WIPI1: variants seen among roughly 807,000 people sequenced by gnomAD.
The protein encoded by WIPI1 is WD repeat domain, phosphoinositide interacting 1.
WIPI1 carries 45 observed loss-of-function variants against 55.3 expected under a neutral mutation model. The ratio of observed to expected loss-of-function variants is 0.81; its 90% CI spans 0.64 to 1.04. WIPI1 has a LOEUF of 1.04. Among genes scored for constraint, WIPI1 ranks in the 50% least tolerant of loss-of-function variants. WIPI1 has a pLI of 0.00. For missense variants in WIPI1, 445 were observed against 559.0 expected (o/e 0.80, Z 2.06); for synonymous variants, 195 against 217.6 (o/e 0.90, Z 0.92).
chr17:68,435,858 G>A, intron 5 of WIPI1, 146 bp from the exon 6 acceptor site: 2 of 713,942 alleles, frequency 2.8e-6, no homozygotes, highest in Non-Finnish European at 4.8e-6. Context: ...CTGCATGTAA[G>A]CTGTGTGTCA....
intron 2 of WIPI1, among the ~76,000 whole-genome samples, chr17:68,452,132 T>C (rs117828392): frequency 4.8e-4 from 73 of 152,394 alleles, no homozygotes; most frequent in Non-Finnish European, 8.7e-4. Context: ...TAGTGAATTA[T>C]TTACAGTGTT....
chr17:68,421,922 G>C (rs1301430035), intron 12 of WIPI1, 102 bp from the exon 13 acceptor site: 1 of 1,477,090 alleles, frequency 6.8e-7, no homozygotes, highest in Non-Finnish European at 9.4e-7. Context: ...AGCAGGGAGA[G>C]GCTGGGCACT....
intron 3 of WIPI1, among the ~76,000 whole-genome samples, chr17:68,446,186 A>T (rs1238388474): frequency 6.8e-6 from 1 of 146,882 alleles, no homozygotes; most frequent in Middle Eastern, 3.2e-3. Flanking sequence ...ACATTTCTCA[A>T]TTTTTTTTTT....
chr17:68,443,583 A>G (rs2147947323), intron 4 of WIPI1, among the ~76,000 whole-genome samples: 1 of 152,318 alleles, frequency 6.6e-6, no homozygotes, highest in Non-Finnish European at 1.5e-5. Flanking sequence ...TTTAATTCTC[A>G]GCCAACCCTG....
intron 2 of WIPI1, 70 bp from the exon 3 acceptor site, chr17:68,450,967 ACT>A: frequency 6.5e-7 from 1 of 1,542,564 alleles, no homozygotes; most frequent in Non-Finnish European, 8.7e-7. Flanking sequence ...CCTCCATGAC[ACT>A]GGGCCCGGCG....
rs2082909678 is a variant in WIPI1 at position 68,423,014 on chromosome 17, GA to G, written c.1294-1195del. Among the ~76,000 whole-genome samples, 1 of 152,172 alleles carries G rather than the reference GA, an allele frequency of 6.6e-6. No homozygotes were observed. Among genetic ancestry groups the G allele is most frequent in the African/African-American group, 2.4e-5 (1 of 41,448 alleles). Reference sequence around the variant, plus strand: ...GAAGTGTCAGTATGTGTTCTGAAAAGATCACTAGTGATGACCCGCGTTCTTA... The same window carrying G: ...GAAGTGTCAGTATGTGTTCTGAAAAGTCACTAGTGATGACCCGCGTTCTTA... On this transcript the variant is annotated intron_variant, in intron 12 of 12. Coordinates refer to ENST00000262139, the MANE Select transcript of WIPI1 (RefSeq NM_017983.7). The surrounding 1 kb of genome is among the most constrained non-coding windows in gnomAD (Gnocchi z 4.4).
chr17:68,433,803 CAG>C (rs1237139607), intron 7 of WIPI1, among the ~76,000 whole-genome samples: 1 of 88,790 alleles, frequency 1.1e-5, no homozygotes, highest in African/African-American at 5.3e-5. Flanking sequence ...TTTTTTGAGA[CAG>C]AGTCTCTCGC....
intron 1 of WIPI1, among the ~76,000 whole-genome samples, chr17:68,455,505 A>C (rs56233149): frequency 0.25 from 37,606 of 152,096 alleles, 4,973 homozygotes; most frequent in Non-Finnish European, 0.28. Context: ...ACATTTATAG[A>C]AAAAGACATG....
chr17:68,432,686 A>G (rs2083583469), intron 8 of WIPI1, among the ~76,000 whole-genome samples: 1 of 151,998 alleles, frequency 6.6e-6, no homozygotes, highest in Non-Finnish European at 1.5e-5. Context: ...CTCTTCTGAA[A>G]CTCCATCCAA....
intron 6 of WIPI1, among the ~76,000 whole-genome samples, chr17:68,435,099 C>T (rs951639533): frequency 3.3e-5 from 5 of 151,506 alleles, no homozygotes; most frequent in Non-Finnish European, 2.9e-5. Flanking sequence ...CTCAGCTACT[C>T]GGGAGGCTGA....
chr17:68,436,264 A>G, intron 5 of WIPI1, 118 bp downstream of exon 5: 1 of 849,486 alleles, frequency 1.2e-6, no homozygotes, highest in East Asian at 2.4e-5. Flanking sequence ...ACAACTCCCC[A>G]GTATTGCTTA....
In WIPI1 at chr17:68,431,656, C is replaced by T. The variant is rs535440767; in HGVS notation, c.801-1496G>A. On this transcript the variant is annotated intron_variant, in intron 8 of 12. Transcript: ENST00000262139. The stretch of plus-strand genomic sequence containing the variant: ...AAAGTCAGACCAAATGTAAGAGTAA[C>T]GGCTGGACCAGCACGAGGTGCTAAA... 1.1e-3 allele frequency among the ~76,000 whole-genome samples: 24 copies of T among 21,426 alleles called. No homozygotes were observed. In the South Asian group the frequency reaches 0.016, roughly 15 times the overall value. The allele number at this position is 21,426 out of a possible 152,430, so 14.1% of individuals were successfully genotyped here.
At chr17:68,438,389 C>T (rs1164990546) in intron 4 of WIPI1, among the ~76,000 whole-genome samples, 1 of 152,206 alleles carries the variant, frequency 6.6e-6, no homozygotes, top group African/African-American at 2.4e-5. Flanking sequence ...ATTTCAAGAA[C>T]AGCTAGGCAG....
intron 3 of WIPI1, 35 bp from the exon 4 acceptor site, chr17:68,444,624 G>A (rs189873761): frequency 5.2e-4 from 820 of 1,569,822 alleles, no homozygotes; most frequent in Non-Finnish European, 6.8e-4. Context: ...CTACCGAACC[G>A]TTCCTTACAA....
chr17:68,443,538 T>G (rs2084168119), intron 4 of WIPI1, among the ~76,000 whole-genome samples: 1 of 152,068 alleles, frequency 6.6e-6, no homozygotes, highest in African/African-American at 2.4e-5. Flanking sequence ...TGCATGGCAG[T>G]TCCTGTGCTG....
chr17:68,436,521 G>T lies in WIPI1; in HGVS notation c.431-42C>A, dbSNP rs370271508. ...AGAACATGAGAAGCCTGGGGCCAAGGGAGAGATTGCACGGCTGGAGAGGGC... is the reference window on the plus strand; with the variant it reads ...AGAACATGAGAAGCCTGGGGCCAAGTGAGAGATTGCACGGCTGGAGAGGGC... On this transcript the variant is annotated intron_variant, in intron 4 of 12. Transcript: ENST00000262139. The T allele has an allele frequency of 3.3e-5, 53 of 1,585,738 alleles. No homozygotes were observed. The African/African-American group carries it at 7.1e-4, about 21-fold the overall frequency.
intron 12 of WIPI1, among the ~76,000 whole-genome samples, chr17:68,424,300 G>A (rs185345320): frequency 3.8e-4 from 58 of 152,202 alleles, no homozygotes; most frequent in African/African-American, 5.8e-4. Flanking sequence ...CGACCGACCC[G>A]CAGAGCCGAT....
intron 1 of WIPI1, among the ~76,000 whole-genome samples, chr17:68,453,765 C>T (rs1052378410): frequency 1.3e-5 from 2 of 152,092 alleles, no homozygotes; most frequent in Non-Finnish European, 2.9e-5. Context: ...AGCCACCATG[C>T]CTGGTCTAAG....
chr17:68,438,691 C>G (rs1221928913), intron 4 of WIPI1, among the ~76,000 whole-genome samples: 6 of 152,248 alleles, frequency 3.9e-5, no homozygotes, highest in Non-Finnish European at 7.3e-5. Context: ...ACCTCCGCCT[C>G]TTTGGTTCAA....
Sources: gnomAD v4.1 joint callset for allele counts (sites outside exome capture counted in the v4.1 genomes callset) on GRCh38, gnomAD v4.1.1 for gene constraint, Gnocchi (gnomAD v3.1) non-coding constraint, MANE v1.5 for transcripts, NCBI Gene and HGNC (gene_info 2026-07-23, HGNC 2026-07-21) for gene names.